The following ROCK2 variants were observed in gnomAD, a reference collection of about 807,000 sequenced individuals.
ROCK2 encodes Rho associated coiled-coil containing protein kinase 2.
A neutral mutation model predicts 195.1 loss-of-function variants in ROCK2; 61 were observed. The observed-to-expected ratio is 0.31, with a 90% CI of 0.25 to 0.39. ROCK2 has a LOEUF of 0.39. Ranked by LOEUF, ROCK2 falls within the 10% of genes least tolerant of loss-of-function variation. The pLI is 1.00. For missense variants in ROCK2, 1,109 were observed against 1,637.4 expected, an observed-to-expected ratio of 0.68 and a Z score of 5.57; for synonymous variants, 504 against 545.5, an observed-to-expected ratio of 0.92 and a Z score of 1.06.
chr2:11,214,228 C>T (rs1334593302), intron 17 of ROCK2, 129 bp downstream of exon 17: 3 of 603,186 alleles, frequency 5.0e-6, no homozygotes, highest in African/African-American at 3.7e-5. Flanking sequence ...CACATCAAGT[C>T]CAAATCAAAA....
chr2:11,261,160 T>C (rs1271712982), intron 3 of ROCK2, among the ~76,000 whole-genome samples: 3 of 152,256 alleles, frequency 2.0e-5, no homozygotes, highest in Non-Finnish European at 4.4e-5. Context: ...GGACAGTTCC[T>C]GGCTCATAAA....
chr2:11,227,875 C>T (rs576311346), intron 5 of ROCK2, among the ~76,000 whole-genome samples: 1 of 151,050 alleles, frequency 6.6e-6, no homozygotes, highest in Admixed American at 6.6e-5. Flanking sequence ...CTTGTATTAC[C>T]AAGAAAAAAA....
intron 1 of ROCK2, among the ~76,000 whole-genome samples, chr2:11,323,784 C>T (rs1265567083): frequency 6.6e-6 from 1 of 152,152 alleles, no homozygotes; most frequent in African/African-American, 2.4e-5. Context: ...CCCCCACTAT[C>T]AACATCCCTC....
chr2:11,320,688 G>T, intron 1 of ROCK2, among the ~76,000 whole-genome samples: 1 of 152,140 alleles, frequency 6.6e-6, no homozygotes, highest in Non-Finnish European at 1.5e-5. Flanking sequence ...TAAATGAAAT[G>T]ATAACTTTCA....
intron 1 of ROCK2, among the ~76,000 whole-genome samples, chr2:11,291,408 C>T (rs1667358830): frequency 1.3e-5 from 2 of 152,028 alleles, no homozygotes; most frequent in African/African-American, 2.4e-5. Context: ...AAATTAGCCG[C>T]GCGTGGTGGC....
chr2:11,214,508 T>G, intron 16 of ROCK2, 45 bp from the exon 17 acceptor site: 1 of 1,094,920 alleles, frequency 9.1e-7, no homozygotes. Flanking sequence ...CCACAAAGTA[T>G]ATACATTCAA....
At chr2:11,228,735 CTT>C (rs929003338) in intron 5 of ROCK2, among the ~76,000 whole-genome samples, 35 of 151,972 alleles carry the variant, frequency 2.3e-4, no homozygotes, top group African/African-American at 8.2e-4. Flanking sequence ...TTATATGAGA[CTT>C]AGCTACTAAA....
intron 3 of ROCK2, among the ~76,000 whole-genome samples, chr2:11,275,027 C>A (rs990846602): frequency 6.6e-6 from 1 of 151,556 alleles, no homozygotes; most frequent in Non-Finnish European, 1.5e-5. Flanking sequence ...GAGGCCAAGG[C>A]GGGCAGATCC....
At chr2:11,301,420 G>A (rs1667699868) in intron 1 of ROCK2, among the ~76,000 whole-genome samples, 1 of 152,018 alleles carries the variant, frequency 6.6e-6, no homozygotes, top group Non-Finnish European at 1.5e-5. Flanking sequence ...AAACTGTTGT[G>A]TAAATAGCCA....
intron 1 of ROCK2, among the ~76,000 whole-genome samples, chr2:11,294,301 T>C (rs1002104411): frequency 2.0e-5 from 3 of 152,264 alleles, no homozygotes; most frequent in Non-Finnish European, 4.4e-5. Context: ...CTAATGGTGA[T>C]AGTGCTCTGT....
At chr2:11,323,062 C>T (rs1668447610) in intron 1 of ROCK2, among the ~76,000 whole-genome samples, 1 of 152,176 alleles carries the variant, frequency 6.6e-6, no homozygotes, top group Non-Finnish European at 1.5e-5. Flanking sequence ...TGAACAATCA[C>T]TGACAACAAA....
At chr2:11,229,181 A>C (rs1021635630) in intron 5 of ROCK2, among the ~76,000 whole-genome samples, 1 of 152,170 alleles carries the variant, frequency 6.6e-6, no homozygotes, top group Non-Finnish European at 1.5e-5. Context: ...CTATATTCAC[A>C]TACTAAACTA....
rs1341884972 is a variant in ROCK2, at chr2:11,311,137, AAAAC to A, written c.142-23405_142-23402del. On this transcript the variant is annotated intron_variant, in intron 1 of 32. Transcript: ENST00000315872. ...CTAGTACAGTGAAACACTTTTTAAA[AAAAC>A]AAACAATTCTTAGACAATCTGGAGA... Among the ~76,000 whole-genome samples, 3 of 152,222 alleles carry A rather than the reference AAAAC, an allele frequency of 2.0e-5. No homozygotes were observed. In the South Asian group the frequency reaches 6.2e-4, roughly 32 times the overall value.
chr2:11,307,534 G>A (rs1020248150), intron 1 of ROCK2, among the ~76,000 whole-genome samples: 1 of 151,898 alleles, frequency 6.6e-6, no homozygotes, highest in Non-Finnish European at 1.5e-5. Flanking sequence ...GGATGGTCTC[G>A]ATCTCTTGAC....
At position 11,180,371 on chromosome 2, in the gene ROCK2, AAC is replaced by A. The variant is rs1662935764; in HGVS notation, c.*3064_*3065del. ...TTTAGAGCCAGATTCATGTAACTCT[AAC>A]ACAGGTTAGTTTTAAAGGCACTAAC... On this transcript the variant is annotated 3_prime_UTR_variant, in exon 33 of 33. Coordinates refer to ENST00000315872, the MANE Select transcript of ROCK2 (RefSeq NM_004850.5). 6.6e-6 allele frequency: 1 copy of A among 152,222 alleles called. No homozygotes were observed. The allele number at this position is 152,222 out of a possible 1,614,324, so 9.4% of individuals were successfully genotyped here.
chr2:11,214,477 CG>C lies in ROCK2; in HGVS notation c.1937-15del, dbSNP rs147889501. On this transcript the variant is annotated splice_polypyrimidine_tract_variant and intron_variant, in intron 16 of 32. Coordinates refer to ENST00000315872, the MANE Select transcript of ROCK2 (RefSeq NM_004850.5). Reference sequence around the variant, plus strand: ...CACATATTCTACCTAAAAATTGCAACGTTTTTTTAAAACATTAAACCCACAA... The same window carrying C: ...CACATATTCTACCTAAAAATTGCAACTTTTTTTAAAACATTAAACCCACAA... The C allele has an allele frequency of 1.9e-4, 272 of 1,461,222 alleles. No homozygotes were observed. Among genetic ancestry groups the C allele is most frequent in the Middle Eastern group, 5.2e-4 (3 of 5,726 alleles). 90.5% of individuals were successfully genotyped at this position (1,461,222 alleles called of 1,614,324 possible).
intron 3 of ROCK2, among the ~76,000 whole-genome samples, chr2:11,267,310 G>C (rs956979438): frequency 5.3e-5 from 8 of 152,002 alleles, no homozygotes; most frequent in African/African-American, 1.9e-4. Context: ...CTATGCTATA[G>C]GTGGGAACTC....
At chr2:11,307,944 G>T in intron 1 of ROCK2, 1 of 1,443,326 alleles carries the variant, frequency 6.9e-7, no homozygotes, top group Non-Finnish European at 9.1e-7. Flanking sequence ...GTTAATGTCA[G>T]GGCCAGGCCT....
intron 4 of ROCK2, among the ~76,000 whole-genome samples, chr2:11,239,308 G>GAT (rs373873530): frequency 5.9e-5 from 9 of 152,006 alleles, no homozygotes; most frequent in Admixed American, 3.9e-4. Flanking sequence ...ATTTACAAGT[G>GAT]ATATATATAT....
Sources: allele counts gnomAD v4.1 joint callset (sites outside exome capture counted in the v4.1 genomes callset), GRCh38; gene constraint gnomAD v4.1.1; transcripts MANE v1.5; gene names NCBI Gene and HGNC (gene_info 2026-07-23, HGNC 2026-07-21).